The following PRICKLE2 variants were observed in gnomAD, a reference collection of about 807,000 sequenced individuals.
PRICKLE2 encodes the protein prickle-like protein 2.
In PRICKLE2, 21 loss-of-function variants were observed where a neutral mutation model predicts 81.4. The ratio of observed to expected loss-of-function variants is 0.26; its 90% CI spans 0.18 to 0.37. The LOEUF is 0.37. Ranked by LOEUF, PRICKLE2 falls within the 10% of genes least tolerant of loss-of-function variation. The pLI is 1.00. For missense variants in PRICKLE2, 940 were observed against 1,109.0 expected, an observed-to-expected ratio of 0.85 and a Z score of 2.16; for synonymous variants, 456 against 421.5, an observed-to-expected ratio of 1.08 and a Z score of -1.00.
chr3:64,243,260 A>G (rs2079295200), intron 2 of PRICKLE2, among the ~76,000 whole-genome samples: 2 of 152,224 alleles, frequency 1.3e-5, no homozygotes, highest in African/African-American at 2.4e-5. Flanking sequence ...CAACCTTGAC[A>G]TTATAGACAA....
At chr3:64,174,735 G>T in intron 2 of PRICKLE2, 2 of 209,480 alleles carry the variant, frequency 9.5e-6, no homozygotes, top group Non-Finnish European at 2.1e-5. Context: ...TAGTGATAAA[G>T]AATGAATTTT....
chr3:64,239,432 C>G (rs772222410), intron 2 of PRICKLE2, among the ~76,000 whole-genome samples: 2 of 152,124 alleles, frequency 1.3e-5, no homozygotes, highest in African/African-American at 4.8e-5. Flanking sequence ...AGCCAGTGGC[C>G]GGAGATAGCT....
At chr3:64,252,457 G>A (rs998534006) in intron 2 of PRICKLE2, among the ~76,000 whole-genome samples, 52 of 152,272 alleles carry the variant, frequency 3.4e-4, no homozygotes, top group African/African-American at 1.1e-3. Context: ...GCTCTCAGCC[G>A]ATGCAGTAAC....
chr3:64,243,778 T>C (rs2079305238), intron 2 of PRICKLE2, among the ~76,000 whole-genome samples: 1 of 152,190 alleles, frequency 6.6e-6, no homozygotes, highest in African/African-American at 2.4e-5. Flanking sequence ...TCACTTCATC[T>C]CAGAGATGAG....
chr3:64,213,192 T>C (rs2078819090), intron 1 of PRICKLE2, among the ~76,000 whole-genome samples: 1 of 151,456 alleles, frequency 6.6e-6, no homozygotes, highest in Non-Finnish European at 1.5e-5. Flanking sequence ...TTCTCCTGCC[T>C]CAGCCTTCCA....
At chr3:64,191,749 G>T (rs2078344269) in intron 2 of PRICKLE2, among the ~76,000 whole-genome samples, 1 of 152,210 alleles carries the variant, frequency 6.6e-6, no homozygotes, top group South Asian at 2.1e-4. Context: ...CAACTTTACT[G>T]TGGTCAGAAA....
chr3:64,221,419 AT>A (rs2078950650), intron 1 of PRICKLE2, among the ~76,000 whole-genome samples: 1 of 119,242 alleles, frequency 8.4e-6, no homozygotes, highest in African/African-American at 3.4e-5. Flanking sequence ...TGCTTGATTC[AT>A]ACACACACAC....
intron 2 of PRICKLE2, among the ~76,000 whole-genome samples, chr3:64,166,622 T>A (rs180932378): frequency 6.6e-6 from 1 of 152,170 alleles, no homozygotes; most frequent in South Asian, 2.1e-4. Flanking sequence ...AAATATACAA[T>A]ATGCTAGAAT....
chr3:64,255,536 G>A (rs1165518300), intron 2 of PRICKLE2, among the ~76,000 whole-genome samples: 1 of 152,170 alleles, frequency 6.6e-6, no homozygotes, highest in Non-Finnish European at 1.5e-5. Flanking sequence ...GCAGATGCAG[G>A]GAGAGGGAGA....
In PRICKLE2 at chr3:64,252,544, T is replaced by C. The variant is rs140282969; in HGVS notation, c.129-53577A>G. On this transcript the variant is annotated intron_variant, in intron 2 of 8. Coordinates refer to the PRICKLE2 transcript ENST00000295902. ...AAAAGTGGTTTCCTCCATGGCAAAATTGGTTATTTATGGTCAATAGCACTT... is the reference window on the plus strand; with the variant it reads ...AAAAGTGGTTTCCTCCATGGCAAAACTGGTTATTTATGGTCAATAGCACTT... 5.4e-3 allele frequency among the ~76,000 whole-genome samples: 817 copies of C among 152,204 alleles called. 6 individuals are homozygous for C. Among genetic ancestry groups the C allele is most frequent in the Non-Finnish European group, 6.8e-3 (461 of 68,006 alleles).
At chr3:64,132,277 T>C (rs2077207712) in intron 7 of PRICKLE2, among the ~76,000 whole-genome samples, 1 of 152,198 alleles carries the variant, frequency 6.6e-6, no homozygotes, top group Non-Finnish European at 1.5e-5. Flanking sequence ...CCTCCTACAT[T>C]ATAAGCCATT....
chr3:64,122,517 A>G (rs933108861), intron 7 of PRICKLE2, among the ~76,000 whole-genome samples: 2 of 152,212 alleles, frequency 1.3e-5, no homozygotes, highest in Admixed American at 6.5e-5. Flanking sequence ...AAGATCCAAA[A>G]AATGACTGCT....
chr3:64,261,260 G>C (rs2079611482), intron 2 of PRICKLE2, among the ~76,000 whole-genome samples: 1 of 152,138 alleles, frequency 6.6e-6, no homozygotes, highest in Non-Finnish European at 1.5e-5. Flanking sequence ...GAAAGGAGGA[G>C]AGTAATAAAA....
chr3:64,244,186 C>T (rs1052377531), intron 2 of PRICKLE2, among the ~76,000 whole-genome samples: 6 of 152,152 alleles, frequency 3.9e-5, no homozygotes, highest in Non-Finnish European at 7.3e-5. Flanking sequence ...GATATTCTGT[C>T]GAAATCAACC....
intron 3 of PRICKLE2, among the ~76,000 whole-genome samples, chr3:64,160,801 G>C (rs1483026624): frequency 2.0e-5 from 3 of 152,162 alleles, no homozygotes; most frequent in African/African-American, 7.2e-5. Context: ...CCTTACTTAT[G>C]CACACCTTGG....
chr3:64,189,193 G>C (rs2078289040), intron 2 of PRICKLE2, among the ~76,000 whole-genome samples: 1 of 152,168 alleles, frequency 6.6e-6, no homozygotes, highest in Non-Finnish European at 1.5e-5. Context: ...TAAAGCCAGG[G>C]TAAGAGAGTG....
At chr3:64,135,859 T>C (rs112305315) in intron 7 of PRICKLE2, among the ~76,000 whole-genome samples, 4 of 152,288 alleles carry the variant, frequency 2.6e-5, no homozygotes, top group Middle Eastern at 3.4e-3. Context: ...AACCAAGCTA[T>C]CTTGAAATTT....
chr3:64,135,997 C>T (rs2077273301), intron 7 of PRICKLE2, among the ~76,000 whole-genome samples: 1 of 152,102 alleles, frequency 6.6e-6, no homozygotes, highest in Admixed American at 6.6e-5. Context: ...GATTCCAAAA[C>T]CATCAAATGC....
At chr3:64,133,720 T>C (rs939113574) in intron 7 of PRICKLE2, among the ~76,000 whole-genome samples, 3 of 152,164 alleles carry the variant, frequency 2.0e-5, no homozygotes, top group Non-Finnish European at 2.9e-5. Flanking sequence ...CAGATTCTGG[T>C]AGCCTCTTTT....
Sources: allele counts gnomAD v4.1 joint callset (sites outside exome capture counted in the v4.1 genomes callset), GRCh38; gene constraint gnomAD v4.1.1; transcripts MANE v1.5; gene names NCBI Gene and HGNC (gene_info 2026-07-23, HGNC 2026-07-21).